Variants in CFAP299 observed in about 807,000 individuals in gnomAD.
The protein encoded by CFAP299 is cilia and flagella associated protein 299, also known as cilia- and flagella-associated protein 299.
In CFAP299, 21 loss-of-function variants were observed where a neutral mutation model predicts 27.0. That is an observed-to-expected ratio of 0.78 (90% CI 0.55 to 1.12). The LOEUF is 1.12. Ranked by LOEUF, CFAP299 falls within the 50% of genes most tolerant of loss-of-function variation. The pLI is 0.00. For missense variants in CFAP299, 310 were observed against 276.6 expected, an observed-to-expected ratio of 1.12 and a Z score of -0.86; for synonymous variants, 104 against 98.1, an observed-to-expected ratio of 1.06 and a Z score of -0.36.
chr4:80,665,435 T>C (rs1741099594), intron 3 of CFAP299, among the ~76,000 whole-genome samples: 1 of 152,158 alleles, frequency 6.6e-6, no homozygotes, highest in Non-Finnish European at 1.5e-5. Context: ...CTTTGTAACT[T>C]TTCATTAGTT....
At chr4:80,901,872 C>T (rs1474607974) in intron 4 of CFAP299, among the ~76,000 whole-genome samples, 1 of 152,110 alleles carries the variant, frequency 6.6e-6, no homozygotes, top group African/African-American at 2.4e-5. Flanking sequence ...ATTTTTCCTT[C>T]TCAAGGATTA....
chr4:80,752,955 A>T (rs577098061), intron 3 of CFAP299, among the ~76,000 whole-genome samples: 9 of 152,020 alleles, frequency 5.9e-5, no homozygotes, highest in South Asian at 2.1e-4. Flanking sequence ...ATACATTTTG[A>T]TTTTACATAT....
In CFAP299 at chr4:80,917,929, T is replaced by C. The variant is rs567128893; in HGVS notation, c.477-26881T>C. On this transcript the variant is annotated intron_variant, in intron 4 of 5. Transcript: ENST00000358105. ...GATGTTAGAAATCACCTACTCCAAA[T>C]GGTTTATATGTAGATATAGAAATCA... Among the ~76,000 whole-genome samples, 8 of 152,284 alleles carry C rather than the reference T, an allele frequency of 5.3e-5. No individual in the cohort carries two copies. The East Asian group carries it at 1.5e-3, about 29-fold the overall frequency.
At chr4:80,406,029 T>C (rs1032672027) in intron 2 of CFAP299, among the ~76,000 whole-genome samples, 4 of 152,140 alleles carry the variant, frequency 2.6e-5, no homozygotes, top group African/African-American at 9.7e-5. Flanking sequence ...GGATAGATCA[T>C]GTCATGACTG....
chr4:80,634,995 A>G (rs1009114425), intron 3 of CFAP299, among the ~76,000 whole-genome samples: 4 of 152,172 alleles, frequency 2.6e-5, no homozygotes, highest in African/African-American at 9.7e-5. Context: ...ATCATTATAA[A>G]TCATCTCTTA....
At position 80,335,758 on chromosome 4, in the gene CFAP299, A is replaced by G; in HGVS notation, c.-11A>G. On this transcript the variant is annotated 5_prime_UTR_variant, in exon 1 of 6. Coordinates refer to ENST00000358105, the MANE Select transcript of CFAP299 (RefSeq NM_152770.3). ...TCCGTTGCTAGGGACGCTTCGGCCG[A>G]GGATACCGCAATGGATCAGGAAGAG... is the stretch of plus-strand genomic sequence containing the variant. 1 of 1,568,120 alleles carries G rather than the reference A, an allele frequency of 6.4e-7. No individual in the cohort carries two copies. Among genetic ancestry groups the G allele is most frequent in the Non-Finnish European group, 8.8e-7 (1 of 1,138,236 alleles).
intron 3 of CFAP299, among the ~76,000 whole-genome samples, chr4:80,812,685 A>T (rs1729218427): frequency 1.3e-5 from 2 of 152,138 alleles, no homozygotes; most frequent in African/African-American, 2.4e-5. Flanking sequence ...CATTGGTTTC[A>T]AACTGATAAA....
chr4:80,622,669 G>A (rs1738669968), intron 3 of CFAP299, among the ~76,000 whole-genome samples: 2 of 152,038 alleles, frequency 1.3e-5, no homozygotes, highest in Non-Finnish European at 2.9e-5. Flanking sequence ...AATAATATCA[G>A]TGAAAGATTA....
At chr4:80,351,194 AAATG>A (rs1687221474) in intron 1 of CFAP299, among the ~76,000 whole-genome samples, 1 of 152,192 alleles carries the variant, frequency 6.6e-6, no homozygotes, top group Non-Finnish European at 1.5e-5. Context: ...ATCAAAATGA[AAATG>A]AATGAAAAGC....
chr4:80,699,935 C>A (rs909714590), intron 3 of CFAP299, among the ~76,000 whole-genome samples: 3 of 152,118 alleles, frequency 2.0e-5, no homozygotes, highest in African/African-American at 7.2e-5. Context: ...TAGATACCTC[C>A]TTTTGGAAGG....
chr4:80,497,761 T>C (rs1731530890), intron 2 of CFAP299, among the ~76,000 whole-genome samples: 1 of 152,060 alleles, frequency 6.6e-6, no homozygotes, highest in Non-Finnish European at 1.5e-5. Context: ...AAAACTATAC[T>C]AAAAGTCACA....
intron 3 of CFAP299, among the ~76,000 whole-genome samples, chr4:80,810,735 T>G (rs1277414777): frequency 6.6e-6 from 1 of 152,150 alleles, no homozygotes; most frequent in Non-Finnish European, 1.5e-5. Context: ...ATGATAAATT[T>G]CTGTTGTTCT....
At chr4:80,689,954 A>G (rs1025932837) in intron 3 of CFAP299, among the ~76,000 whole-genome samples, 1 of 150,934 alleles carries the variant, frequency 6.6e-6, no homozygotes, top group Non-Finnish European at 1.5e-5. Context: ...GAAGGCCATT[A>G]CATAATGGTA....
rs1359977309 is a variant in CFAP299, at chr4:80,366,872, C to A, written c.242+3988C>A. Among the ~76,000 whole-genome samples, 6 of 151,976 alleles carry A rather than the reference C, an allele frequency of 3.9e-5. No individual in the cohort carries two copies. In the East Asian group the frequency reaches 1.2e-3, roughly 29 times the overall value. On this transcript the variant is annotated intron_variant, in intron 2 of 5. Transcript: ENST00000358105. ...TAAGTGTAATAAAATACTATTCAGTCATCAAAAGGTATAAAGTAGTGTTAC... is the reference window on the plus strand; with the variant it reads ...TAAGTGTAATAAAATACTATTCAGTAATCAAAAGGTATAAAGTAGTGTTAC...
intron 4 of CFAP299, among the ~76,000 whole-genome samples, chr4:80,891,346 G>C (rs922468272): frequency 6.6e-6 from 1 of 151,554 alleles, no homozygotes; most frequent in South Asian, 2.1e-4. Context: ...GTTTTTCTCA[G>C]GTTTGTCAAA....
intron 2 of CFAP299, among the ~76,000 whole-genome samples, chr4:80,497,121 A>G (rs966158342): frequency 6.6e-5 from 10 of 152,226 alleles, no homozygotes; most frequent in African/African-American, 2.4e-4. Context: ...TGCAAACTAT[A>G]TAAACAGGCA....
intron 4 of CFAP299, among the ~76,000 whole-genome samples, chr4:80,898,153 A>G (rs1260582875): frequency 6.6e-6 from 1 of 152,026 alleles, no homozygotes; most frequent in Admixed American, 6.6e-5. Context: ...TTATATCCAC[A>G]CTCATTGCTC....
At chr4:80,885,379 ACACAAGATGTTGCAGCT>A (rs1733922599) in intron 4 of CFAP299, among the ~76,000 whole-genome samples, 1 of 152,176 alleles carries the variant, frequency 6.6e-6, no homozygotes, top group Non-Finnish European at 1.5e-5. Flanking sequence ...ACCTAGGGAG[ACACAAGATGTTGCAGCT>A]ATGGGAATGC....
chr4:80,923,486 G>A (rs1342063962), intron 4 of CFAP299, among the ~76,000 whole-genome samples: 1 of 151,950 alleles, frequency 6.6e-6, no homozygotes, highest in East Asian at 1.9e-4. Flanking sequence ...TCTCAAACAT[G>A]AAAATGACTA....
Sources: allele counts gnomAD v4.1 joint callset (sites outside exome capture counted in the v4.1 genomes callset), GRCh38; gene constraint gnomAD v4.1.1; transcripts MANE v1.5; gene names NCBI Gene and HGNC (gene_info 2026-07-23, HGNC 2026-07-21).